PRDM16: variants seen among roughly 807,000 people sequenced by gnomAD.
The protein encoded by PRDM16 is histone-lysine N-methyltransferase PRDM16.
PRDM16 carries 23 observed loss-of-function variants against 110.6 expected under a neutral mutation model. That is an observed-to-expected ratio of 0.21 (90% CI 0.15 to 0.29). The LOEUF is 0.29. Among genes scored for constraint, PRDM16 ranks in the 10% least tolerant of loss-of-function variants. The pLI is 1.00. For missense variants in PRDM16, 1,615 were observed against 1,794.3 expected, an observed-to-expected ratio of 0.90 and a Z score of 1.81; for synonymous variants, 799 against 781.8, an observed-to-expected ratio of 1.02 and a Z score of -0.37.
chr1:3,357,476 C>T (rs1213526120), intron 3 of PRDM16, among the ~76,000 whole-genome samples: 1 of 152,096 alleles, frequency 6.6e-6, no homozygotes, highest in Non-Finnish European at 1.5e-5. Context: ...GGGGCCTGGC[C>T]AGTGGCCCCA....
At chr1:3,402,550 G>A (rs1643490412) in intron 5 of PRDM16, among the ~76,000 whole-genome samples, 1 of 152,210 alleles carries the variant, frequency 6.6e-6, no homozygotes, top group South Asian at 2.1e-4. Context: ...CTCCCTCTGA[G>A]GCACAGATTG....
At chr1:3,179,756 C>T (rs1399587710) in intron 1 of PRDM16, among the ~76,000 whole-genome samples, 1 of 152,242 alleles carries the variant, frequency 6.6e-6, no homozygotes, top group African/African-American at 2.4e-5. Flanking sequence ...AGGCACTAGC[C>T]TCCTTGGAGG....
In PRDM16 at chr1:3,284,676, A is replaced by C. The variant is rs185980045; in HGVS notation, c.438+40539A>C. On this transcript the variant is annotated intron_variant, in intron 3 of 16. Coordinates refer to ENST00000270722, the MANE Select transcript of PRDM16 (RefSeq NM_022114.4). ...ATCTTCAGATAGACTCTGTGGCCTT[A>C]TGATGGGGAATCTGAGGGTTCATTC... Among the ~76,000 whole-genome samples the C allele has an allele frequency of 1.2e-4, 18 of 152,346 alleles. No individual in the cohort carries two copies. The East Asian group carries it at 3.3e-3, about 28-fold the overall frequency.
chr1:3,187,671 G>A (rs955224535), intron 2 of PRDM16, among the ~76,000 whole-genome samples: 1 of 152,200 alleles, frequency 6.6e-6, no homozygotes, highest in East Asian at 1.9e-4. Context: ...GCAGAGCTGA[G>A]TGCATCCTCC....
At chr1:3,217,780 C>T (rs1557536475) in intron 2 of PRDM16, among the ~76,000 whole-genome samples, 3 of 152,258 alleles carry the variant, frequency 2.0e-5, no homozygotes, top group East Asian at 3.9e-4. Context: ...TGAGGCCCTG[C>T]GAGTTTCATT....
intron 2 of PRDM16, chr1:3,237,946 T>C (rs1639575545): frequency 6.6e-6 from 1 of 152,266 alleles, no homozygotes; most frequent in East Asian, 1.9e-4. Context: ...CAAGGCCCCA[T>C]CTCACCAGGT....
intron 4 of PRDM16, among the ~76,000 whole-genome samples, chr1:3,394,764 C>T (rs1033392866): frequency 3.3e-5 from 5 of 152,236 alleles, no homozygotes; most frequent in Non-Finnish European, 5.9e-5. Flanking sequence ...TGGCGCTTCT[C>T]ATCCCGCACT....
intron 1 of PRDM16, among the ~76,000 whole-genome samples, chr1:3,170,194 G>A (rs897279005): frequency 5.9e-5 from 9 of 152,236 alleles, no homozygotes; most frequent in South Asian, 2.1e-4. Context: ...GGGCAAGTGC[G>A]GCCAGGGGGC....
chr1:3,277,021 G>A (rs866657363), intron 3 of PRDM16, among the ~76,000 whole-genome samples: 2 of 150,324 alleles, frequency 1.3e-5, no homozygotes, highest in African/African-American at 2.5e-5. Context: ...GTGGCCACAG[G>A]TTGGTAATAA....
rs1642644695 is a variant in PRDM16 at position 3,358,145 on chromosome 1, C to CCAGGG, written c.439-27004_439-27000dup. The stretch of plus-strand genomic sequence containing the variant: ...GTGGGCCTGGCCATGACCCCCTTGC[C>CCAGGG]CAGGGCAACGTGGACCACACAGACA... On this transcript the variant is annotated intron_variant, in intron 3 of 16. Transcript: ENST00000270722. This position sits in a 1 kb window ranked among gnomAD's most constrained non-coding sequence, Gnocchi z 4.0. 1.3e-5 allele frequency among the ~76,000 whole-genome samples: 2 copies of CCAGGG among 152,222 alleles called. No homozygotes were observed. Among genetic ancestry groups the CCAGGG allele is most frequent in the African/African-American group, 4.8e-5 (2 of 41,462 alleles).
intron 3 of PRDM16, among the ~76,000 whole-genome samples, chr1:3,273,150 A>G (rs2455128): frequency 0.38 from 58,277 of 152,206 alleles, 16,469 homozygotes; most frequent in African/African-American, 0.79. Flanking sequence ...GGGGAGCAGG[A>G]GCAGGGATGA....
chr1:3,072,412 G>A (rs925974718), intron 1 of PRDM16, among the ~76,000 whole-genome samples: 1 of 152,186 alleles, frequency 6.6e-6, no homozygotes, highest in Non-Finnish European at 1.5e-5. Context: ...CCATGTCCTA[G>A]ATGCCACATA....
chr1:3,316,274 A>C (rs1570054602), intron 3 of PRDM16, among the ~76,000 whole-genome samples: 1 of 1,230 alleles, frequency 8.1e-4, no homozygotes, highest in Non-Finnish European at 1.5e-3. Flanking sequence ...CTGTGGGGGT[A>C]GGGGTGGGGG....
At chr1:3,294,747 G>A (rs1239222182) in intron 3 of PRDM16, among the ~76,000 whole-genome samples, 5 of 152,186 alleles carry the variant, frequency 3.3e-5, no homozygotes. Flanking sequence ...AAAAGCCCAC[G>A]AGAGACTCAG....
intron 1 of PRDM16, among the ~76,000 whole-genome samples, chr1:3,164,514 CGGCCTCCCTT>C (rs916225668): frequency 3.9e-5 from 6 of 152,192 alleles, no homozygotes; most frequent in African/African-American, 1.4e-4. Context: ...AACCTGCACC[CGGCCTCCCTT>C]GGCTAACCTC....
chr1:3,262,141 C>T (rs116571588), intron 3 of PRDM16, among the ~76,000 whole-genome samples: 1,608 of 152,332 alleles, frequency 0.011, 31 homozygotes, highest in African/African-American at 0.037. Flanking sequence ...CAGAGAGGTT[C>T]GGTAATCTGC....
chr1:3,170,024 C>A (rs941113124), intron 1 of PRDM16, among the ~76,000 whole-genome samples: 1 of 152,166 alleles, frequency 6.6e-6, no homozygotes, highest in African/African-American at 2.4e-5. Flanking sequence ...TCACAGGGAA[C>A]AAATGGCTCT....
At chr1:3,336,344 ATG>A (rs35612143) in intron 3 of PRDM16, among the ~76,000 whole-genome samples, 33,153 of 146,832 alleles carry the variant, frequency 0.23, 4,540 homozygotes, top group Middle Eastern at 0.36. Context: ...GTACATGCAC[ATG>A]TGTGTGTGCA....
At chr1:3,383,550 TC>T (rs1011953155) in intron 3 of PRDM16, among the ~76,000 whole-genome samples, 1 of 152,040 alleles carries the variant, frequency 6.6e-6, no homozygotes, top group African/African-American at 2.4e-5. Flanking sequence ...ACCACATGCT[TC>T]CCCATTGATT....
Sources: allele counts gnomAD v4.1 joint callset (sites outside exome capture counted in the v4.1 genomes callset), GRCh38; gene constraint gnomAD v4.1.1; non-coding constraint Gnocchi (gnomAD v3.1); transcripts MANE v1.5; gene names NCBI Gene and HGNC (gene_info 2026-07-23, HGNC 2026-07-21).